Variants in EXOC3 observed in about 807,000 individuals in gnomAD.
EXOC3 encodes the protein SEC6-like 1.
EXOC3 carries 21 observed loss-of-function variants against 73.7 expected under a neutral mutation model. The ratio of observed to expected loss-of-function variants is 0.29; its 90% confidence interval spans 0.20 to 0.41. The LOEUF (loss-of-function observed/expected upper bound fraction) is 0.41, where lower values mean the gene tolerates loss of function less well. Among genes scored for constraint, EXOC3 ranks in the 10% least tolerant of loss-of-function variants. The pLI is 1.00. For missense variants in EXOC3, 842 were observed against 985.1 expected, an observed-to-expected ratio of 0.85 and a Z score of 1.95; for synonymous variants, 410 against 389.1, an observed-to-expected ratio of 1.05 and a Z score of -0.63.
chr5:466,991 C>T lies in EXOC3; in HGVS notation c.*93C>T. ...TGATTGCTCTCCTTGGCCACACGTG[C>T]TCCTTTTAGCTGCACGGCCTGTCTT... is the stretch of plus-strand genomic sequence containing the variant. On this transcript the variant is annotated 3_prime_UTR_variant, in exon 13 of 13. Coordinates refer to ENST00000512944, the MANE Select transcript of EXOC3 (RefSeq NM_007277.5). 1 of 1,261,758 alleles carries T rather than the reference C, an allele frequency of 7.9e-7. No homozygotes were observed. The highest frequency in any genetic ancestry group is 2.5e-5 in the East Asian group (1 of 39,406). 78.2% of individuals were successfully genotyped at this position (1,261,758 alleles called of 1,614,324 possible).
At chr5:449,066 T>C (rs1737584285) in intron 3 of EXOC3, among the ~76,000 whole-genome samples, 1 of 152,254 alleles carries the variant, frequency 6.6e-6, no homozygotes, top group African/African-American at 2.4e-5. Flanking sequence ...TCTTTTAAAC[T>C]AATGCCTGAT....
chr5:453,296 C>A, intron 3 of EXOC3, 74 bp from the exon 4 acceptor site: 2 of 1,187,316 alleles, frequency 1.7e-6, no homozygotes, highest in Non-Finnish European at 2.4e-6. Context: ...CTGCCGTGTT[C>A]CCAGAACACC....
rs1000415538 is a variant in EXOC3 at position 465,161 on chromosome 5, G to A, written c.1827G>A (p.Ala609=). 7.5e-6 allele frequency: 12 copies of A among 1,596,892 alleles called. No individual in the cohort carries two copies. Among genetic ancestry groups the A allele is most frequent in the Non-Finnish European group, 9.4e-6 (11 of 1,172,528 alleles). Residue 609 remains alanine, a synonymous_variant, in exon 11 of 13, where the codon GCG becomes GCA. Transcript: ENST00000512944. ...HRRVVVEYLR[A]VMQKRISFRS... is the part of the protein sequence containing the mutation. ...GCGTGGTGGTGGAGTACCTGCGGGCGGTCATGCAGAAGCGCATTTCCTTCC... is the reference window on the plus strand; with the variant it reads ...GCGTGGTGGTGGAGTACCTGCGGGCAGTCATGCAGAAGCGCATTTCCTTCC...
chr5:459,464 GTCTT>G lies in EXOC3; in HGVS notation c.1391+9_1391+12del, dbSNP rs143640519. On this transcript the variant is annotated splice_donor_region_variant and intron_variant, in intron 7 of 12. Coordinates refer to ENST00000512944, the MANE Select transcript of EXOC3 (RefSeq NM_007277.5). ...GATGAATTCTTTCCTAAGCAGGTAT[GTCTT>G]TCTGCCAGTGTGCTAATGTACACAT... 1,232 of 1,463,764 alleles carry G rather than the reference GTCTT, an allele frequency of 8.4e-4. 7 individuals carry two copies. In the African/African-American group the frequency reaches 0.016, roughly 18 times the overall value. 90.7% of individuals were successfully genotyped at this position (1,463,764 alleles called of 1,614,324 possible).
In EXOC3 at chr5:467,161, G is replaced by GA; in HGVS notation, c.*266dup. On this transcript the variant is annotated 3_prime_UTR_variant, in exon 13 of 13. Coordinates refer to ENST00000512944, the MANE Select transcript of EXOC3 (RefSeq NM_007277.5). ...TGGGTGCTTGTTTGTTGCAGTGGTT[G>GA]AAAGTGTGTGGGGCACAGAGGACGT... The GA allele has an allele frequency of 2.0e-6, 1 of 492,032 alleles. No homozygotes were observed. The highest frequency in any genetic ancestry group is 3.4e-5 in the Admixed American group (1 of 29,418). The allele number at this position is 492,032 out of a possible 1,614,324, so 30.5% of individuals were successfully genotyped here.
At chr5:448,716 C>T (rs570259179) in intron 3 of EXOC3, among the ~76,000 whole-genome samples, 1 of 152,338 alleles carries the variant, frequency 6.6e-6, no homozygotes, top group Admixed American at 6.5e-5. Flanking sequence ...CCACAGCGCA[C>T]CTTGGTAATC....
chr5:446,082 T>C (rs1737496578), intron 1 of EXOC3, 68 bp from the exon 2 acceptor site: 2 of 1,083,566 alleles, frequency 1.8e-6, no homozygotes, highest in African/African-American at 3.1e-5. Context: ...GTAGCTCCAC[T>C]GTGATCACCT....
chr5:466,361 G>A (rs905747932), intron 12 of EXOC3: 13 of 265,520 alleles, frequency 4.9e-5, no homozygotes, highest in Non-Finnish European at 7.9e-5. Context: ...CTGTCTCAGG[G>A]CACCTGCCAC....
At chr5:458,445 C>A (rs1737886928) in intron 6 of EXOC3, among the ~76,000 whole-genome samples, 1 of 152,172 alleles carries the variant, frequency 6.6e-6, no homozygotes, top group Non-Finnish European at 1.5e-5. Context: ...ACTCTGTTGC[C>A]CAGGCTGGAG....
chr5:465,071 G>A (rs1738100250), intron 10 of EXOC3, 40 bp from the exon 11 acceptor site: 3 of 1,506,546 alleles, frequency 2.0e-6, no homozygotes, highest in Non-Finnish European at 2.7e-6. Flanking sequence ...CTGGCCGCCA[G>A]AGCCGTGGAG....
chr5:465,322 C>T, intron 11 of EXOC3, 50 bp downstream of exon 11: 1 of 1,540,376 alleles, frequency 6.5e-7, no homozygotes, highest in Non-Finnish European at 8.8e-7. Flanking sequence ...CTCCGCGGCC[C>T]TGTTCAGCCT....
rs75958901 is a variant in EXOC3 at position 458,069 on chromosome 5, A to G, written c.1290+44A>G. 1.3e-3 allele frequency: 2,114 copies of G among 1,595,414 alleles called. 15 individuals carry two copies. In the African/African-American group the frequency reaches 0.023, roughly 18 times the overall value. ...TGGCACAGTTCCGTTTCCTAGGTGG[A>G]TAGTGGGACCTGTAGGTTTTACAAA... On this transcript the variant is annotated intron_variant, in intron 6 of 12. Transcript: ENST00000512944.
intron 4 of EXOC3, among the ~76,000 whole-genome samples, chr5:454,274 T>C (rs1420998773): frequency 6.6e-6 from 1 of 152,254 alleles, no homozygotes; most frequent in African/African-American, 2.4e-5. Flanking sequence ...ATCTCTGCTC[T>C]TGGCCTCCAG....
chr5:451,464 CAA>C (rs1332483649), intron 3 of EXOC3, among the ~76,000 whole-genome samples: 1 of 152,050 alleles, frequency 6.6e-6, no homozygotes, highest in African/African-American at 2.4e-5. Flanking sequence ...AGTTAGAATC[CAA>C]AGTTACAGTA....
intron 9 of EXOC3, 143 bp from the exon 10 acceptor site, chr5:464,147 G>A (rs566242955): frequency 1.7e-5 from 12 of 706,202 alleles, no homozygotes; most frequent in East Asian, 8.9e-5. Context: ...CTCGTGGGGC[G>A]TTGAGGTGAG....
chr5:447,083 G>A, intron 2 of EXOC3: 1 of 156,544 alleles, frequency 6.4e-6, no homozygotes, highest in Non-Finnish European at 1.4e-5. Context: ...GCCAAGTGTG[G>A]TGCTGGCTGA....
intron 7 of EXOC3, 25 bp downstream of exon 7, chr5:459,484 A>T: frequency 8.1e-7 from 1 of 1,233,170 alleles, no homozygotes; most frequent in East Asian, 2.5e-5. Flanking sequence ...CAGTGTGCTA[A>T]TGTACACATT....
At chr5:464,602 G>A (rs941736314) in intron 10 of EXOC3, 190 bp downstream of exon 10, 2 of 572,432 alleles carry the variant, frequency 3.5e-6, no homozygotes, top group South Asian at 3.9e-5. Context: ...AATGGCCGGG[G>A]CCCTGTGGCA....
intron 2 of EXOC3, 42 bp from the exon 3 acceptor site, chr5:447,491 G>A: frequency 7.1e-7 from 1 of 1,408,266 alleles, no homozygotes; most frequent in Non-Finnish European, 9.6e-7. Flanking sequence ...GCAGCGCATG[G>A]CTATCATTGG....
Sources: gnomAD v4.1 joint callset for allele counts (sites outside exome capture counted in the v4.1 genomes callset) on GRCh38, gnomAD v4.1.1 for gene constraint, MANE v1.5 for transcripts, NCBI Gene and HGNC (gene_info 2026-07-23, HGNC 2026-07-21) for gene names.